The following ATF6 variants were observed in gnomAD, a reference collection of about 807,000 sequenced individuals.
ATF6 encodes the protein cyclic AMP-dependent transcription factor ATF-6 alpha.
Under a neutral mutation model 83.6 loss-of-function variants are expected in ATF6, and 53 were observed. The observed-to-expected ratio is 0.63, with a 90% confidence interval of 0.51 to 0.80. The LOEUF (loss-of-function observed/expected upper bound fraction) is 0.80. Ranked by LOEUF, ATF6 falls within the 30% of genes least tolerant of loss-of-function variation. ATF6 has a pLI of 0.00. For missense variants in ATF6, 744 were observed against 797.9 expected, an observed-to-expected ratio of 0.93 and a Z score of 0.81; for synonymous variants, 288 against 285.8, an observed-to-expected ratio of 1.01 and a Z score of -0.08.
chr1:161,789,278 T>TTTA (rs869253939), intron 4 of ATF6, among the ~76,000 whole-genome samples: 30 of 145,012 alleles, frequency 2.1e-4, no homozygotes, highest in Non-Finnish European at 4.1e-4. Flanking sequence ...TTTTTTTTTT[T>TTTA]ACCCATTAAC....
chr1:161,958,296 C>T (rs1417685832), intron 15 of ATF6, 150 bp from the exon 16 acceptor site: 13 of 680,220 alleles, frequency 1.9e-5, no homozygotes, highest in Non-Finnish European at 2.8e-5. Flanking sequence ...TGTAGCTCTG[C>T]TTACTGACTG....
chr1:161,955,813 G>A (rs558671102), intron 15 of ATF6, among the ~76,000 whole-genome samples: 13 of 152,230 alleles, frequency 8.5e-5, no homozygotes, highest in African/African-American at 2.4e-4. Context: ...TGGTAGAGTC[G>A]TCTTCTAGCA....
At chr1:161,766,478 G>T in intron 1 of ATF6, 36 bp downstream of exon 1, 1 of 1,601,524 alleles carries the variant, frequency 6.2e-7, no homozygotes, top group Non-Finnish European at 8.5e-7. Flanking sequence ...GGGTGGCTCG[G>T]GTTCGCGTCT....
chr1:161,921,007 A>T (rs1486995102), intron 15 of ATF6, among the ~76,000 whole-genome samples: 2 of 151,868 alleles, frequency 1.3e-5, no homozygotes, highest in African/African-American at 4.8e-5. Context: ...CTGGGATTAC[A>T]GGTATGAGCC....
chr1:161,915,641 C>T (rs769201911), intron 15 of ATF6, among the ~76,000 whole-genome samples: 34 of 148,048 alleles, frequency 2.3e-4, no homozygotes, highest in Admixed American at 9.5e-4. Flanking sequence ...TTTTTTTCCT[C>T]GAGGGAGGGA....
intron 1 of ATF6, among the ~76,000 whole-genome samples, chr1:161,775,890 A>G (rs1000826077): frequency 8.9e-4 from 120 of 134,538 alleles, no homozygotes; most frequent in African/African-American, 3.0e-3. Flanking sequence ...ATATATATAC[A>G]TGTGTGTATA....
At chr1:161,798,108 A>G (rs1274428982) in intron 6 of ATF6, among the ~76,000 whole-genome samples, 1 of 152,200 alleles carries the variant, frequency 6.6e-6, no homozygotes, top group Non-Finnish European at 1.5e-5. Context: ...GGCTAGCCAT[A>G]TGCAGAAGAT....
chr1:161,778,246 T>G lies in ATF6; in HGVS notation c.85T>G (p.Ser29Ala). The change falls in exon 2 of 16, where the codon TCT becomes GCT. Residue 29 changes from serine to alanine, a missense_variant and splice_region_variant. By Grantham distance (99) the Ser-to-Ala change is moderately conservative. Transcript: ENST00000367942. ...LFHRLDEDWD[S>A]ALFAELGYFT... ...CTATTCTTTTCCTTTGTCCAAAGAT[T>G]CTGCTCTCTTTGCTGAACTCGGTTA... The G allele has an allele frequency of 6.2e-7, 1 of 1,612,796 alleles. No individual in the cohort carries two copies. The highest frequency in any genetic ancestry group is 8.5e-7 in the Non-Finnish European group (1 of 1,179,212).
chr1:161,827,864 G>C (rs984048446), intron 9 of ATF6, among the ~76,000 whole-genome samples: 4 of 151,992 alleles, frequency 2.6e-5, no homozygotes, highest in Non-Finnish European at 5.9e-5. Context: ...GACTTATAAG[G>C]GTTAATTTTT....
chr1:161,809,850 T>A (rs1685411026), intron 7 of ATF6, among the ~76,000 whole-genome samples: 1 of 152,248 alleles, frequency 6.6e-6, no homozygotes, highest in Non-Finnish European at 1.5e-5. Context: ...TTTTGAGAAG[T>A]GTCTGTTCAT....
intron 6 of ATF6, among the ~76,000 whole-genome samples, chr1:161,798,705 A>T (rs1685075308): frequency 6.6e-6 from 1 of 152,328 alleles, no homozygotes; most frequent in Non-Finnish European, 1.5e-5. Flanking sequence ...ATTTGCAAAC[A>T]GTGTATCCAA....
intron 4 of ATF6, among the ~76,000 whole-genome samples, chr1:161,786,901 G>T (rs1684760238): frequency 6.6e-6 from 1 of 152,136 alleles, no homozygotes; most frequent in African/African-American, 2.4e-5. Flanking sequence ...TGGTTATCTT[G>T]TCTTTTTAAT....
intron 14 of ATF6, among the ~76,000 whole-genome samples, chr1:161,892,509 A>G (rs893277185): frequency 6.6e-6 from 1 of 152,046 alleles, no homozygotes; most frequent in Admixed American, 6.5e-5. Flanking sequence ...AAATCCATCA[A>G]GCTGTGTATC....
intron 14 of ATF6, among the ~76,000 whole-genome samples, chr1:161,863,656 T>C (rs756701006): frequency 6.6e-6 from 1 of 152,218 alleles, no homozygotes; most frequent in African/African-American, 2.4e-5. Context: ...CTATTTAGGC[T>C]TTTAAACCAA....
chr1:161,875,157 A>G (rs571294189), intron 14 of ATF6, among the ~76,000 whole-genome samples: 1 of 151,948 alleles, frequency 6.6e-6, no homozygotes, highest in South Asian at 2.1e-4. Flanking sequence ...AAATATATGA[A>G]GAAAATCCAG....
chr1:161,917,164 A>G (rs1255027447), intron 15 of ATF6, among the ~76,000 whole-genome samples: 1 of 152,246 alleles, frequency 6.6e-6, no homozygotes, highest in Non-Finnish European at 1.5e-5. Context: ...CTGAGCTGCC[A>G]GTTAAGTGCA....
intron 14 of ATF6, among the ~76,000 whole-genome samples, chr1:161,868,494 A>C (rs1029509256): frequency 3.3e-5 from 5 of 152,112 alleles, no homozygotes; most frequent in African/African-American, 1.2e-4. Flanking sequence ...TCTATATGAT[A>C]AGCCTTTTGA....
chr1:161,880,309 C>T (rs1455080702), intron 14 of ATF6, among the ~76,000 whole-genome samples: 2 of 151,146 alleles, frequency 1.3e-5, no homozygotes, highest in African/African-American at 4.9e-5. Flanking sequence ...TTTAACACCA[C>T]ATTTTATGTG....
At chr1:161,957,431 T>G (rs545425860) in intron 15 of ATF6, among the ~76,000 whole-genome samples, 1 of 152,300 alleles carries the variant, frequency 6.6e-6, no homozygotes, top group South Asian at 2.1e-4. Flanking sequence ...TTTACTGTAT[T>G]GCTGTGATTG....
Sources: gnomAD v4.1 joint callset for allele counts (sites outside exome capture counted in the v4.1 genomes callset) on GRCh38, gnomAD v4.1.1 for gene constraint, MANE v1.5 for transcripts, NCBI Gene and HGNC (gene_info 2026-07-23, HGNC 2026-07-21) for gene names.